The following CDH3 variants were observed in gnomAD, a reference collection of about 807,000 sequenced individuals.
CDH3 encodes cadherin 3.
CDH3 carries 54 observed loss-of-function variants against 82.0 expected under a neutral mutation model. That is an observed-to-expected ratio of 0.66 (90% confidence interval 0.53 to 0.83). CDH3 has a LOEUF of 0.83. Ranked by LOEUF, CDH3 falls within the 40% of genes least tolerant of loss-of-function variation. CDH3 has a pLI of 0.00. For missense variants in CDH3, 1,054 were observed against 1,084.6 expected, an observed-to-expected ratio of 0.97 and a Z score of 0.40; for synonymous variants, 446 against 437.9, an observed-to-expected ratio of 1.02 and a Z score of -0.23.
chr16:68,665,892 A>G (rs1432334938), intron 2 of CDH3, among the ~76,000 whole-genome samples: 2 of 152,168 alleles, frequency 1.3e-5, no homozygotes, highest in African/African-American at 4.8e-5. Context: ...GGGTTGCCAT[A>G]TAATTTTTCT....
At chr16:68,706,544 CTTTTTTTTTTT>C (rs34364461) in intron 1 of CDH3, among the ~76,000 whole-genome samples, 2 of 81,626 alleles carry the variant, frequency 2.5e-5, no homozygotes, top group African/African-American at 5.2e-5. Flanking sequence ...GTCACATTTC[CTTTTTTTTTTT>C]TTTTTTTTTT....
chr16:68,721,081 G>A (rs1962158054), intron 1 of CDH3, among the ~76,000 whole-genome samples: 3 of 152,038 alleles, frequency 2.0e-5, no homozygotes, highest in African/African-American at 7.2e-5. Flanking sequence ...ACATAGCCCA[G>A]TATCCCCAGT....
chr16:68,666,345 G>A (rs1175197159), intron 2 of CDH3, among the ~76,000 whole-genome samples: 1 of 152,112 alleles, frequency 6.6e-6, no homozygotes, highest in Non-Finnish European at 1.5e-5. Context: ...ACAGCTCTGG[G>A]GAAAAAGGCC....
chr16:68,677,737 CA>C (rs1204601874), intron 3 of CDH3, among the ~76,000 whole-genome samples: 1 of 151,838 alleles, frequency 6.6e-6, no homozygotes, highest in Non-Finnish European at 1.5e-5. Flanking sequence ...GACTCCGTCT[CA>C]AAAAAAGGAA....
intron 2 of CDH3, among the ~76,000 whole-genome samples, chr16:68,657,694 G>A (rs1238273003): frequency 6.6e-6 from 1 of 152,176 alleles, no homozygotes; most frequent in East Asian, 1.9e-4. Flanking sequence ...AACCCCAAGA[G>A]GAAAGATCTG....
intron 6 of CDH3, among the ~76,000 whole-genome samples, chr16:68,679,149 C>G (rs925560811): frequency 6.6e-6 from 1 of 152,236 alleles, no homozygotes; most frequent in Non-Finnish European, 1.5e-5. Flanking sequence ...TTGGGAACCA[C>G]TAGCTTTGGA....
Position 68,666,991 on chromosome 16 carries a change from G to A in CDH3, c.161-9394G>A, listed in dbSNP as rs1597799313. ...GATGGTATCTTGGCACAATTCCTGG[G>A]TCAATGGGCTTGTTTAAGGCATTTT... is the stretch of plus-strand genomic sequence containing the variant. On this transcript the variant is annotated intron_variant, in intron 2 of 15. Coordinates refer to ENST00000264012, the MANE Select transcript of CDH3 (RefSeq NM_001793.6). Among the ~76,000 whole-genome samples, 5 of 152,078 alleles carry A rather than the reference G, an allele frequency of 3.3e-5. No homozygotes were observed. The South Asian group carries it at 1.0e-3, about 32-fold the overall frequency.
At chr16:68,710,471 G>C (rs72785155) in intron 1 of CDH3, among the ~76,000 whole-genome samples, 3 of 152,210 alleles carry the variant, frequency 2.0e-5, no homozygotes, top group Non-Finnish European at 4.4e-5. Flanking sequence ...CATCTAATGA[G>C]TAGAGGCCAG....
rs749844279 is a variant in CDH3 at position 68,695,871 on chromosome 16, T to C, written c.2228T>C (p.Met743Thr). 8.1e-6 allele frequency: 13 copies of C among 1,614,134 alleles called. No individual in the cohort carries two copies. Among genetic ancestry groups the C allele is most frequent in the Admixed American group, 1.7e-5 (1 of 60,014 alleles). Residue 743 changes from methionine (M) to threonine (T), a missense_variant, in exon 15 of 16, where the codon ATG (methionine) becomes ACG (threonine). Physicochemically the swap from Met to Thr is moderately conservative, Grantham distance 81. Transcript: ENST00000264012. ...GCACCAACCATCATCCCGACACCCA[T>C]GTACCGTCCTCGGCCAGCCAACCCA... ...DVAPTIIPTP[M>T]YRPRPANPDE... is the part of the protein sequence containing the mutation.
chr16:68,724,354 C>T (rs1349054252), intron 2 of CDH3, among the ~76,000 whole-genome samples: 1 of 152,022 alleles, frequency 6.6e-6, no homozygotes, highest in Admixed American at 6.6e-5. Flanking sequence ...CACATTGGCT[C>T]ACACCTGTAA....
intron 14 of CDH3, 66 bp from the exon 15 acceptor site, chr16:68,695,711 A>C (rs1222275256): frequency 6.4e-7 from 1 of 1,562,714 alleles, no homozygotes. Flanking sequence ...GTGGGGTGAG[A>C]TGTAAGTGGC....
chr16:68,720,545 TAC>T (rs1962149178), intron 1 of CDH3, among the ~76,000 whole-genome samples: 1 of 152,022 alleles, frequency 6.6e-6, no homozygotes, highest in Non-Finnish European at 1.5e-5. Context: ...ACTGCCAGGC[TAC>T]CCATACATGT....
chr16:68,682,685 A>G (rs1375087291), intron 9 of CDH3, among the ~76,000 whole-genome samples, 198 bp downstream of exon 9: 3 of 152,204 alleles, frequency 2.0e-5, no homozygotes, highest in Non-Finnish European at 4.4e-5. Flanking sequence ...CACTTCATAA[A>G]TAGGTAAGAG....
At chr16:68,723,808 G>A (rs566467997) in intron 2 of CDH3, among the ~76,000 whole-genome samples, 2 of 152,236 alleles carry the variant, frequency 1.3e-5, no homozygotes, top group South Asian at 2.1e-4. Flanking sequence ...GGTGGCTCAC[G>A]CCTGTAATCC....
chr16:68,645,531 G>C (rs1960026867), intron 1 of CDH3, 105 bp from the exon 2 acceptor site: 2 of 1,465,802 alleles, frequency 1.4e-6, no homozygotes, highest in Non-Finnish European at 1.9e-6. Context: ...GCGCTCCCTG[G>C]GGCCAAGGGA....
chr16:68,676,394 G>C lies in CDH3; in HGVS notation c.170G>C (p.Gly57Ala), dbSNP rs779490510. ...TTCCCCTTCCCCACAGTATTCATGG[G>C]CTGCCCTGGGCAAGAGCCAGCTCTG... ...PGQALGKVFM[G>A]CPGQEPALFS... Residue 57 changes from glycine (G) to alanine (A), a missense_variant, in exon 3 of 16, where the codon GGC becomes GCC. By Grantham distance (60) the Gly-to-Ala change is moderately conservative (BLOSUM62 0). Transcript: ENST00000264012. 6.2e-7 allele frequency: 1 copy of C among 1,613,230 alleles called. No homozygotes were observed. Among genetic ancestry groups the C allele is most frequent in the East Asian group, 2.2e-5 (1 of 44,886 alleles).
intron 2 of CDH3, among the ~76,000 whole-genome samples, chr16:68,656,359 A>C (rs1960411139): frequency 6.6e-6 from 1 of 152,134 alleles, no homozygotes; most frequent in African/African-American, 2.4e-5. Flanking sequence ...TGTCTGCCTC[A>C]GTTGCCTTTT....
At chr16:68,691,011 CTTTTTTT>C (rs561915097) in intron 12 of CDH3, among the ~76,000 whole-genome samples, 11 of 137,608 alleles carry the variant, frequency 8.0e-5, no homozygotes, top group African/African-American at 3.0e-4. Context: ...CCTTTACTTT[CTTTTTTT>C]TTTTTTTTGA....
intron 2 of CDH3, among the ~76,000 whole-genome samples, chr16:68,726,741 G>C (rs1962223729): frequency 6.6e-6 from 1 of 152,016 alleles, no homozygotes; most frequent in Admixed American, 6.6e-5. Context: ...ACCACGCCTG[G>C]CTAATTTTTT....
Sources: gnomAD v4.1 joint callset for allele counts (sites outside exome capture counted in the v4.1 genomes callset) on GRCh38, gnomAD v4.1.1 for gene constraint, MANE v1.5 for transcripts, NCBI Gene and HGNC (gene_info 2026-07-23, HGNC 2026-07-21) for gene names.